SPAG16: variants seen among roughly 807,000 people sequenced by gnomAD.
SPAG16 encodes sperm associated antigen 16.
SPAG16 carries 86 observed loss-of-function variants against 80.4 expected under a neutral mutation model. That is an observed-to-expected ratio of 1.07 (90% confidence interval 0.90 to 1.28). SPAG16 has a LOEUF of 1.28. SPAG16 is among the 50% of genes most tolerant of loss of function. SPAG16 has a pLI of 0.00. For missense variants in SPAG16, 870 were observed against 765.3 expected, an observed-to-expected ratio of 1.14 and a Z score of -1.61; for synonymous variants, 294 against 265.9, an observed-to-expected ratio of 1.11 and a Z score of -1.03.
At chr2:214,155,291 G>T (rs561579722) in intron 15 of SPAG16, among the ~76,000 whole-genome samples, 1 of 152,134 alleles carries the variant, frequency 6.6e-6, no homozygotes, top group Non-Finnish European at 1.5e-5. Context: ...ATTTGTGTTC[G>T]CACCAACAAG....
chr2:214,329,670 G>T (rs978425446), intron 15 of SPAG16, among the ~76,000 whole-genome samples: 1 of 152,116 alleles, frequency 6.6e-6, no homozygotes, highest in Admixed American at 6.5e-5. Context: ...AGATTGAAAA[G>T]GTAAGTTTCA....
intron 9 of SPAG16, among the ~76,000 whole-genome samples, chr2:213,489,064 G>A (rs1424270679): frequency 7.5e-6 from 1 of 133,256 alleles, no homozygotes; most frequent in Non-Finnish European, 1.6e-5. Flanking sequence ...AACAAAGCGA[G>A]ACTCCATCTC....
At chr2:213,598,961 A>G (rs2060971642) in intron 10 of SPAG16, among the ~76,000 whole-genome samples, 1 of 152,234 alleles carries the variant, frequency 6.6e-6, no homozygotes, top group Admixed American at 6.5e-5. Context: ...ACCTTTAAAA[A>G]GTATTAGCTT....
At position 214,033,982 on chromosome 2, in the gene SPAG16, A is replaced by T. The variant is rs141766231; in HGVS notation, c.1527+19905A>T. On this transcript the variant is annotated intron_variant, in intron 13 of 15. Transcript: ENST00000331683. Reference sequence around the variant, plus strand: ...CCATAATCATGTATTGCATTCAGTTAGTTGTCTTGTCTCTTTAGTTCCCTT... The same window carrying T: ...CCATAATCATGTATTGCATTCAGTTTGTTGTCTTGTCTCTTTAGTTCCCTT... 4.5e-3 allele frequency among the ~76,000 whole-genome samples: 678 copies of T among 152,332 alleles called. 6 individuals are homozygous for T. The highest frequency in any genetic ancestry group is 0.015 in the African/African-American group (618 of 41,578).
intron 15 of SPAG16, among the ~76,000 whole-genome samples, chr2:214,209,516 C>A (rs1162215457): frequency 2.0e-5 from 3 of 152,166 alleles, no homozygotes; most frequent in African/African-American, 7.2e-5. Context: ...AAGAAATATC[C>A]TCTGCTCTTC....
intron 15 of SPAG16, among the ~76,000 whole-genome samples, chr2:214,384,402 CA>C (rs1270970129): frequency 6.6e-6 from 1 of 152,086 alleles, no homozygotes; most frequent in African/African-American, 2.4e-5. Flanking sequence ...TTAAATATAA[CA>C]GTTAATATGA....
intron 14 of SPAG16, among the ~76,000 whole-genome samples, chr2:214,117,794 A>G (rs182663711): frequency 6.6e-6 from 1 of 152,334 alleles, no homozygotes; most frequent in East Asian, 1.9e-4. Flanking sequence ...AGCATTCAAT[A>G]AAATTCACAA....
chr2:213,407,749 CAG>C (rs987694776), intron 9 of SPAG16, among the ~76,000 whole-genome samples: 8 of 116,912 alleles, frequency 6.8e-5, no homozygotes, highest in Non-Finnish European at 1.1e-4. Context: ...AGGAGAGAGG[CAG>C]AGAGAGACAG....
chr2:214,225,256 G>A (rs1164400491), intron 15 of SPAG16, among the ~76,000 whole-genome samples: 1 of 152,136 alleles, frequency 6.6e-6, no homozygotes, highest in East Asian at 1.9e-4. Flanking sequence ...GGGCCTTGCT[G>A]GCCATTTGGG....
chr2:213,430,364 C>A (rs894819152), intron 9 of SPAG16, among the ~76,000 whole-genome samples: 3 of 152,182 alleles, frequency 2.0e-5, no homozygotes, highest in Non-Finnish European at 2.9e-5. Flanking sequence ...GGTTAGCAAG[C>A]TTTTCTAACC....
chr2:213,662,919 T>G (rs940464311), intron 10 of SPAG16, among the ~76,000 whole-genome samples: 1 of 152,084 alleles, frequency 6.6e-6, no homozygotes, highest in African/African-American at 2.4e-5. Flanking sequence ...CGATTCAATA[T>G]TCCAAGAGGT....
chr2:213,769,667 T>C (rs763188140), intron 10 of SPAG16, among the ~76,000 whole-genome samples: 59 of 152,234 alleles, frequency 3.9e-4, no homozygotes, highest in Non-Finnish European at 1.0e-4. Context: ...AATTGCTCAC[T>C]ACCTAATATC....
intron 15 of SPAG16, among the ~76,000 whole-genome samples, chr2:214,359,137 A>G (rs1217636999): frequency 6.6e-6 from 1 of 151,888 alleles, no homozygotes; most frequent in East Asian, 1.9e-4. Flanking sequence ...AAGAGCTAAT[A>G]TCTATTGTCA....
chr2:213,644,704 CTCTT>C (rs2062754126), intron 10 of SPAG16, among the ~76,000 whole-genome samples: 1 of 152,186 alleles, frequency 6.6e-6, no homozygotes, highest in African/African-American at 2.4e-5. Context: ...GTCTCTTTCT[CTCTT>C]TCTCTCTCTC....
chr2:213,310,994 T>A (rs1559397066), intron 4 of SPAG16, among the ~76,000 whole-genome samples: 1 of 151,836 alleles, frequency 6.6e-6, no homozygotes, highest in South Asian at 2.1e-4. Flanking sequence ...CGATTTTTAC[T>A]CATCCAGCTG....
At position 214,363,215 on chromosome 2, in the gene SPAG16, T is replaced by G. The variant is rs560176897; in HGVS notation, c.1721-46925T>G. On this transcript the variant is annotated intron_variant, in intron 15 of 15. Coordinates refer to ENST00000331683, the MANE Select transcript of SPAG16 (RefSeq NM_024532.5). ...AAGCTTCTTGAGCTAGAAGTCTCGA[T>G]GTACTACCTGTACTTCTGCAATTCT... 2.2e-3 allele frequency among the ~76,000 whole-genome samples: 331 copies of G among 152,110 alleles called. 2 individuals are homozygous for G. The highest frequency in any genetic ancestry group is 7.7e-3 in the African/African-American group (322 of 41,566).
intron 10 of SPAG16, among the ~76,000 whole-genome samples, chr2:213,712,111 T>C (rs2125362924): frequency 6.6e-6 from 1 of 152,254 alleles, no homozygotes; most frequent in East Asian, 1.9e-4. Flanking sequence ...AGATGTACAA[T>C]GATATGGCCA....
intron 15 of SPAG16, among the ~76,000 whole-genome samples, chr2:214,377,622 T>G (rs1203726154): frequency 6.8e-6 from 1 of 148,148 alleles, no homozygotes; most frequent in Non-Finnish European, 1.5e-5. Flanking sequence ...TTGGTAACGC[T>G]TCCAACCAAC....
intron 15 of SPAG16, among the ~76,000 whole-genome samples, chr2:214,210,686 T>C (rs1434171492): frequency 1.3e-5 from 2 of 152,258 alleles, no homozygotes; most frequent in East Asian, 3.9e-4. Context: ...AAATAATCTT[T>C]CTTTGGTAGA....
Sources: allele counts gnomAD v4.1 joint callset (sites outside exome capture counted in the v4.1 genomes callset), GRCh38; gene constraint gnomAD v4.1.1; transcripts MANE v1.5; gene names NCBI Gene and HGNC (gene_info 2026-07-23, HGNC 2026-07-21).